FAR2: variants seen among roughly 807,000 people sequenced by gnomAD.
The protein encoded by FAR2 is epididymis secretory protein Li 81.
FAR2 carries 19 observed loss-of-function variants against 56.0 expected under a neutral mutation model. The observed-to-expected ratio is 0.34, with a 90% CI of 0.24 to 0.50. FAR2 has a LOEUF of 0.50. Ranked by LOEUF, FAR2 falls within the 20% of genes least tolerant of loss-of-function variation. The pLI is 0.98. For synonymous variants in FAR2, 219 were observed against 218.8 expected (o/e 1.00, Z -0.01); for missense variants, 508 against 642.2 (o/e 0.79, Z 2.26).
chr12:29,293,720 C>G (rs973308776), intron 3 of FAR2, among the ~76,000 whole-genome samples: 1 of 152,018 alleles, frequency 6.6e-6, no homozygotes, highest in Non-Finnish European at 1.5e-5. Context: ...AAAATGGCAT[C>G]CTAGCGAGAA....
At chr12:29,219,168 C>T (rs1947656969) in intron 1 of FAR2, among the ~76,000 whole-genome samples, 1 of 152,078 alleles carries the variant, frequency 6.6e-6, no homozygotes, top group South Asian at 2.1e-4. Flanking sequence ...GGATTACAAG[C>T]ATAAGCCACT....
At chr12:29,211,911 C>CAG (rs1947554103) in intron 1 of FAR2, among the ~76,000 whole-genome samples, 1 of 149,274 alleles carries the variant, frequency 6.7e-6, no homozygotes, top group Non-Finnish European at 1.5e-5. Context: ...AATTTGGACA[C>CAG]AGAGACACAC....
intron 1 of FAR2, among the ~76,000 whole-genome samples, chr12:29,259,769 A>C (rs764928305): frequency 7.2e-5 from 11 of 152,218 alleles, no homozygotes; most frequent in Non-Finnish European, 1.6e-4. Flanking sequence ...TGACACATGT[A>C]AGCATTCAGT....
In FAR2 at chr12:29,307,805, T is replaced by C; in HGVS notation, c.693T>C (p.Ile231=). 1 of 1,611,514 alleles carries C rather than the reference T, an allele frequency of 6.2e-7. No homozygotes were observed. The highest frequency in any genetic ancestry group is 1.1e-5 in the South Asian group (1 of 90,740). ...ACATTGCCATCATAAGGCCCTCCAT[T>C]GTGGGAGCAACTTGGCAGGAGCCTT... The part of the protein sequence containing the change: ...NLNIAIIRPS[I]VGATWQEPFP... The change falls in exon 5 of 12, where the codon ATT becomes ATC. Residue 231 remains isoleucine (I), a synonymous_variant. Coordinates refer to ENST00000536681, the MANE Select transcript of FAR2 (RefSeq NM_001271783.2).
chr12:29,259,534 T>G (rs1221769479), intron 1 of FAR2, among the ~76,000 whole-genome samples: 2 of 152,250 alleles, frequency 1.3e-5, no homozygotes, highest in African/African-American at 4.8e-5. Flanking sequence ...AGTTCCCATA[T>G]GCTGAAACCT....
intron 8 of FAR2, 87 bp downstream of exon 8, chr12:29,312,037 T>C: frequency 1.1e-6 from 1 of 921,578 alleles, no homozygotes. Flanking sequence ...GCTTAGAGCT[T>C]ATATGGGGAG....
At chr12:29,239,153 T>C (rs1947984985) in intron 1 of FAR2, among the ~76,000 whole-genome samples, 1 of 152,152 alleles carries the variant, frequency 6.6e-6, no homozygotes, top group Non-Finnish European at 1.5e-5. Flanking sequence ...TTTGCTGTAT[T>C]GTTGTTAGAA....
In FAR2 at chr12:29,270,539, G is replaced by C. The variant is rs376483831; in HGVS notation, c.90G>C (p.Leu30=). ...GFLGKVLMEK[L]FRTSPDLKVI... ...TGGGCAAAGTGCTGATGGAGAAGCT[G>C]TTTCGCACCAGCCCAGACCTGAAAG... The change falls in exon 2 of 12, where the codon CTG becomes CTC. Residue 30 remains leucine (L), a synonymous_variant. Transcript: ENST00000536681. 1.2e-6 allele frequency: 2 copies of C among 1,614,048 alleles called. No individual in the cohort carries two copies. The highest frequency in any genetic ancestry group is 3.3e-5 in the Admixed American group (2 of 60,018).
chr12:29,184,432 T>C (rs1950019473), intron 1 of FAR2, among the ~76,000 whole-genome samples: 1 of 132,740 alleles, frequency 7.5e-6, no homozygotes, highest in African/African-American at 2.9e-5. Context: ...CTTTTTTTTT[T>C]TTTTTTTTTT....
intron 1 of FAR2, among the ~76,000 whole-genome samples, chr12:29,198,230 A>C (rs1950157583): frequency 6.6e-6 from 1 of 151,822 alleles, no homozygotes; most frequent in Non-Finnish European, 1.5e-5. Flanking sequence ...ATTTTAACTT[A>C]ATTTTATTTT....
chr12:29,215,578 T>A (rs1167291975), intron 1 of FAR2, among the ~76,000 whole-genome samples: 2 of 152,196 alleles, frequency 1.3e-5, no homozygotes, highest in African/African-American at 4.8e-5. Context: ...AAATCAAATC[T>A]GTTATCAATA....
Position 29,153,981 on chromosome 12 carries a change from C to T in FAR2, c.-39+4574C>T, listed in dbSNP as rs553002207. ...TACCTCTGGAAAAGTATACTGGCTG[C>T]TGGGATGGGGTGAGAGAAAGGAGGG... is the stretch of plus-strand genomic sequence containing the variant. On this transcript the variant is annotated intron_variant, in intron 1 of 11. Coordinates refer to ENST00000536681, the MANE Select transcript of FAR2 (RefSeq NM_001271783.2). Among the ~76,000 whole-genome samples, 48 of 152,226 alleles carry T rather than the reference C, an allele frequency of 3.2e-4. 3 individuals carry two copies. In the South Asian group the frequency reaches 1.0e-2, roughly 32 times the overall value.
chr12:29,244,370 T>C (rs1463241052), intron 1 of FAR2, among the ~76,000 whole-genome samples: 1 of 152,160 alleles, frequency 6.6e-6, no homozygotes, highest in African/African-American at 2.4e-5. Context: ...GGTGCCAACT[T>C]TGAACTCTAA....
intron 1 of FAR2, among the ~76,000 whole-genome samples, chr12:29,260,721 G>A (rs1286900136): frequency 3.3e-5 from 5 of 152,288 alleles, no homozygotes; most frequent in African/African-American, 1.2e-4. Flanking sequence ...CCAGGCCCTG[G>A]CTCCAGGAAG....
intron 2 of FAR2, 64 bp downstream of exon 2, chr12:29,270,702 G>A: frequency 1.4e-6 from 2 of 1,425,414 alleles, no homozygotes; most frequent in South Asian, 1.5e-5. Context: ...TCACTACAAT[G>A]TTCTCTTATA....
At chr12:29,280,411 C>T (rs530741216) in intron 2 of FAR2, 40 of 152,288 alleles carry the variant, frequency 2.6e-4, no homozygotes, top group African/African-American at 9.4e-4. Flanking sequence ...TTTAAGAATT[C>T]ACATTTATAT....
chr12:29,287,776 G>A (rs371169284), intron 2 of FAR2, among the ~76,000 whole-genome samples: 1 of 152,122 alleles, frequency 6.6e-6, no homozygotes, highest in African/African-American at 2.4e-5. Flanking sequence ...ATGAGCCCCA[G>A]GAAGTAGAGG....
intron 1 of FAR2, among the ~76,000 whole-genome samples, chr12:29,253,250 G>T (rs7316822): frequency 0.062 from 2,790 of 44,650 alleles, 399 homozygotes; most frequent in African/African-American, 0.17. Flanking sequence ...TCTATATATC[G>T]ATATCTATCT....
At chr12:29,190,086 A>G (rs1166132599) in intron 1 of FAR2, among the ~76,000 whole-genome samples, 6 of 152,164 alleles carry the variant, frequency 3.9e-5, no homozygotes, top group Non-Finnish European at 8.8e-5. Context: ...ATACTAGGGA[A>G]GGCGCAGCTT....
Sources: allele counts gnomAD v4.1 joint callset (sites outside exome capture counted in the v4.1 genomes callset), GRCh38; gene constraint gnomAD v4.1.1; transcripts MANE v1.5; gene names NCBI Gene and HGNC (gene_info 2026-07-23, HGNC 2026-07-21).